The following TBX15 variants were observed in gnomAD, a reference collection of about 807,000 sequenced individuals.
TBX15 encodes the protein T-box transcription factor 15.
A neutral mutation model predicts 53.9 loss-of-function variants in TBX15; 18 were observed. The ratio of observed to expected loss-of-function variants is 0.33; its 90% CI spans 0.23 to 0.49. TBX15 has a LOEUF of 0.49. Ranked by LOEUF, TBX15 falls within the 20% of genes least tolerant of loss-of-function variation. TBX15 has a pLI of 0.98. For missense variants in TBX15, 692 were observed against 749.5 expected (o/e 0.92, Z 0.90); for synonymous variants, 295 against 278.0 (o/e 1.06, Z -0.61).
Position 118,920,588 on chromosome 1 carries a change from C to T in TBX15, c.861+2848G>A, listed in dbSNP as rs533811587. ...TATTGGAAAGACTCGGGGTCCAGCA[C>T]TTGACTCCCTAGGCACTGAGGAGTC... On this transcript the variant is annotated intron_variant, in intron 5 of 7. Transcript: ENST00000369429. Among the ~76,000 whole-genome samples, 3 of 152,276 alleles carry T rather than the reference C, an allele frequency of 2.0e-5. No individual in the cohort carries two copies. In the South Asian group the frequency reaches 6.2e-4, roughly 32 times the overall value.
chr1:118,949,511 C>G (rs2101652687), intron 1 of TBX15, among the ~76,000 whole-genome samples: 1 of 152,324 alleles, frequency 6.6e-6, no homozygotes, highest in East Asian at 1.9e-4. Flanking sequence ...CCATCCAGTC[C>G]TGGTGATTTA....
At chr1:118,980,549 T>C (rs1657612164) in intron 1 of TBX15, among the ~76,000 whole-genome samples, 1 of 152,236 alleles carries the variant, frequency 6.6e-6, no homozygotes, top group Non-Finnish European at 1.5e-5. Context: ...CGTTTTTACA[T>C]GCATTTCTTA....
chr1:118,980,103 T>C (rs1228863957), intron 1 of TBX15, among the ~76,000 whole-genome samples: 2 of 152,196 alleles, frequency 1.3e-5, no homozygotes, highest in East Asian at 1.9e-4. Flanking sequence ...CAGTTCCTTC[T>C]GCGGCGAAAC....
chr1:118,893,485 G>GAAAGAAA (rs1553218199), intron 7 of TBX15, among the ~76,000 whole-genome samples: 7 of 72,122 alleles, frequency 9.7e-5, no homozygotes, highest in East Asian at 7.9e-4. Flanking sequence ...AAGGAAGGAA[G>GAAAGAAA]GAAAGAAAGA....
At chr1:118,891,198 A>C (rs1392861233) in intron 7 of TBX15, among the ~76,000 whole-genome samples, 2 of 152,190 alleles carry the variant, frequency 1.3e-5, no homozygotes, top group Non-Finnish European at 1.5e-5. Context: ...TAAAAGTTAA[A>C]GGTATGCACA....
At chr1:118,904,579 C>T (rs753307929) in intron 6 of TBX15, among the ~76,000 whole-genome samples, 3 of 152,162 alleles carry the variant, frequency 2.0e-5, no homozygotes, top group African/African-American at 7.2e-5. Flanking sequence ...GGACAGATGC[C>T]TGGAGTTGAG....
intron 7 of TBX15, among the ~76,000 whole-genome samples, chr1:118,888,268 AG>A (rs1384673388): frequency 1.3e-5 from 2 of 152,218 alleles, no homozygotes; most frequent in Non-Finnish European, 2.9e-5. Flanking sequence ...CTGTGAAATC[AG>A]GGGCTTGAAC....
chr1:118,956,435 CAG>C (rs900627436), intron 1 of TBX15, among the ~76,000 whole-genome samples: 9 of 152,038 alleles, frequency 5.9e-5, no homozygotes, highest in African/African-American at 2.2e-4. Context: ...AAAACACACA[CAG>C]AGATGGCAAA....
intron 2 of TBX15, among the ~76,000 whole-genome samples, chr1:118,930,382 C>T (rs1214747107): frequency 6.6e-6 from 1 of 152,104 alleles, no homozygotes; most frequent in Non-Finnish European, 1.5e-5. Flanking sequence ...TGCTGAAAAG[C>T]TTAGTCCAAA....
At chr1:118,929,835 A>C (rs928657119) in intron 2 of TBX15, among the ~76,000 whole-genome samples, 1 of 133,586 alleles carries the variant, frequency 7.5e-6, no homozygotes, top group African/African-American at 2.7e-5. Flanking sequence ...ACCCAAAAAG[A>C]ATACCGGAAA....
At chr1:118,893,795 T>G (rs1179623778) in intron 7 of TBX15, among the ~76,000 whole-genome samples, 2 of 152,216 alleles carry the variant, frequency 1.3e-5, no homozygotes, top group Admixed American at 1.3e-4. Flanking sequence ...GCCAAACACA[T>G]TGACATTAGT....
At chr1:118,962,488 A>G (rs1306459835) in intron 1 of TBX15, among the ~76,000 whole-genome samples, 3 of 152,162 alleles carry the variant, frequency 2.0e-5, no homozygotes, top group African/African-American at 7.2e-5. Context: ...TTAAATGACA[A>G]TGATGCTCGT....
intron 1 of TBX15, among the ~76,000 whole-genome samples, chr1:118,954,629 G>T (rs1656618445): frequency 6.6e-6 from 1 of 152,198 alleles, no homozygotes; most frequent in Non-Finnish European, 1.5e-5. Context: ...TATGTGTGTG[G>T]AGAGATGATT....
intron 1 of TBX15, among the ~76,000 whole-genome samples, chr1:118,981,154 C>T (rs1457576282): frequency 6.6e-6 from 1 of 152,164 alleles, no homozygotes; most frequent in Non-Finnish European, 1.5e-5. Flanking sequence ...ACTTTGGTCA[C>T]AGTCATCAGT....
At chr1:118,908,322 T>C (rs1056178676) in intron 6 of TBX15, among the ~76,000 whole-genome samples, 1 of 151,102 alleles carries the variant, frequency 6.6e-6, no homozygotes, top group South Asian at 2.1e-4. Context: ...GTCCCAGTCT[T>C]CCAGGAGCTT....
chr1:118,908,132 A>G (rs1246472828), intron 6 of TBX15, among the ~76,000 whole-genome samples: 1 of 152,084 alleles, frequency 6.6e-6, no homozygotes, highest in African/African-American at 2.4e-5. Flanking sequence ...CTGCTGACCT[A>G]CCTGATTTCC....
chr1:118,946,057 C>T (rs368105295), intron 1 of TBX15, among the ~76,000 whole-genome samples: 2 of 151,932 alleles, frequency 1.3e-5, no homozygotes, highest in South Asian at 2.1e-4. Flanking sequence ...ATGCAAATTA[C>T]AATAAAGTAT....
chr1:118,927,262 C>A (rs1377579938), intron 2 of TBX15, among the ~76,000 whole-genome samples: 1 of 152,074 alleles, frequency 6.6e-6, no homozygotes, highest in Non-Finnish European at 1.5e-5. Flanking sequence ...TAAATGTATG[C>A]ACAGGCATGT....
chr1:118,978,652 C>T (rs1657520061), intron 1 of TBX15, among the ~76,000 whole-genome samples: 1 of 152,086 alleles, frequency 6.6e-6, no homozygotes, highest in African/African-American at 2.4e-5. Context: ...GGATATAATA[C>T]AGAACATGAA....
Sources: gnomAD v4.1 joint callset for allele counts (sites outside exome capture counted in the v4.1 genomes callset) on GRCh38, gnomAD v4.1.1 for gene constraint, MANE v1.5 for transcripts, NCBI Gene and HGNC (gene_info 2026-07-23, HGNC 2026-07-21) for gene names.